The following CDH13 variants were observed in gnomAD, a reference collection of about 807,000 sequenced individuals.
CDH13 encodes cadherin-13.
CDH13 carries 24 observed loss-of-function variants against 63.8 expected under a neutral mutation model. The ratio of observed to expected loss-of-function variants is 0.38; its 90% confidence interval spans 0.27 to 0.53. The LOEUF (loss-of-function observed/expected upper bound fraction) is 0.53. Ranked by LOEUF, CDH13 falls within the 20% of genes least tolerant of loss-of-function variation. The probability of loss-of-function intolerance (pLI) is 0.85; values close to 1 mark genes in which losing one functional copy is unlikely to be tolerated. For missense variants in CDH13, 1,049 were observed against 903.1 expected, an observed-to-expected ratio of 1.16 and a Z score of -2.07; for synonymous variants, 503 against 355.3, an observed-to-expected ratio of 1.42 and a Z score of -4.67.
chr16:82,644,240 A>G lies in CDH13; in HGVS notation c.45+17103A>G, dbSNP rs910615305. ...TCAATAGCCTAGTAATGAGAAGTCA[A>G]TCTAAGGTCTAAGGCTGGGAAAGGA... On this transcript the variant is annotated intron_variant, in intron 1 of 13. Coordinates refer to ENST00000567109, the MANE Select transcript of CDH13 (RefSeq NM_001257.5). This position sits in a 1 kb window ranked among gnomAD's most constrained non-coding sequence, Gnocchi z 5.7. Among the ~76,000 whole-genome samples the G allele has an allele frequency of 6.6e-6, 1 of 152,274 alleles. No homozygotes were observed. Among genetic ancestry groups the G allele is most frequent in the South Asian group, 2.1e-4 (1 of 4,832 alleles).
chr16:83,674,838 A>T (rs894651665), intron 9 of CDH13, among the ~76,000 whole-genome samples: 1 of 152,224 alleles, frequency 6.6e-6, no homozygotes, highest in African/African-American at 2.4e-5. Context: ...CTTTCAGCTG[A>T]ATATAATCAA....
At chr16:82,631,826 G>C (rs1404076980) in intron 1 of CDH13, among the ~76,000 whole-genome samples, 1 of 152,202 alleles carries the variant, frequency 6.6e-6, no homozygotes, top group Non-Finnish European at 1.5e-5. Flanking sequence ...AGTGCTGACT[G>C]AGCCAGGGTC....
chr16:83,383,990 A>G (rs2091622343), intron 6 of CDH13, among the ~76,000 whole-genome samples: 1 of 152,170 alleles, frequency 6.6e-6, no homozygotes, highest in East Asian at 1.9e-4. Flanking sequence ...ACGTACATAT[A>G]TATGGGTGTA....
intron 8 of CDH13, among the ~76,000 whole-genome samples, chr16:83,615,868 C>T (rs984973188): frequency 6.6e-6 from 1 of 152,142 alleles, no homozygotes; most frequent in African/African-American, 2.4e-5. Flanking sequence ...GCTGCAAAAC[C>T]GCCAACACCT....
chr16:82,650,541 C>G (rs1056914909), intron 1 of CDH13, among the ~76,000 whole-genome samples: 2 of 152,216 alleles, frequency 1.3e-5, no homozygotes, highest in East Asian at 1.9e-4. Flanking sequence ...AGTGCAACCC[C>G]TACCCTATTC....
intron 1 of CDH13, among the ~76,000 whole-genome samples, chr16:82,765,581 A>C (rs530672566): frequency 1.3e-5 from 2 of 152,212 alleles, no homozygotes; most frequent in Non-Finnish European, 2.9e-5. Flanking sequence ...ACGGGTATTT[A>C]TGATGAGAAA....
chr16:83,012,452 C>T (rs1352589307), intron 2 of CDH13, among the ~76,000 whole-genome samples: 1 of 151,478 alleles, frequency 6.6e-6, no homozygotes, highest in Non-Finnish European at 1.5e-5. Context: ...CTATGTAATT[C>T]CCATTTCATT....
chr16:83,398,634 TG>T, intron 6 of CDH13, among the ~76,000 whole-genome samples: 1 of 1,336 alleles, frequency 7.5e-4, no homozygotes, highest in African/African-American at 8.2e-4. Context: ...GCAGTAGACC[TG>T]GAATATGGGG....
Position 82,644,058 on chromosome 16 carries a change from G to C in CDH13, c.45+16921G>C, listed in dbSNP as rs750267205. Among the ~76,000 whole-genome samples the C allele has an allele frequency of 6.6e-6, 1 of 152,102 alleles. No individual in the cohort carries two copies. On this transcript the variant is annotated intron_variant, in intron 1 of 13. Transcript: ENST00000567109. The surrounding 1 kb of genome is among the most constrained non-coding windows in gnomAD (Gnocchi z 5.7). Reference sequence around the variant, plus strand: ...AAGTAGTAAGTGGTTTAGGATGGGGGGTGGTATGGAGGTCGGGTGGGGAGA... The same window carrying C: ...AAGTAGTAAGTGGTTTAGGATGGGGCGTGGTATGGAGGTCGGGTGGGGAGA...
intron 3 of CDH13, among the ~76,000 whole-genome samples, chr16:83,084,244 C>A (rs376427304): frequency 6.6e-6 from 1 of 152,088 alleles, no homozygotes; most frequent in African/African-American, 2.4e-5. Context: ...GTGACTGTGG[C>A]GAATTTAGCA....
intron 2 of CDH13, among the ~76,000 whole-genome samples, chr16:82,912,600 C>T (rs2041865630): frequency 6.6e-6 from 1 of 152,072 alleles, no homozygotes; most frequent in African/African-American, 2.4e-5. Flanking sequence ...TCCATTGACC[C>T]TAGGGAGGAA....
At chr16:82,704,843 A>G (rs568957224) in intron 1 of CDH13, among the ~76,000 whole-genome samples, 1 of 152,372 alleles carries the variant, frequency 6.6e-6, no homozygotes, top group African/African-American at 2.4e-5. Flanking sequence ...TATGAAATAA[A>G]TAGGATAATG....
intron 1 of CDH13, among the ~76,000 whole-genome samples, chr16:82,789,098 G>A (rs190040508): frequency 5.9e-4 from 90 of 152,196 alleles, no homozygotes; most frequent in Non-Finnish European, 1.1e-3. Flanking sequence ...AGCTGATAAG[G>A]CAATTTTCAC....
At chr16:83,475,039 T>C (rs2073565461) in intron 6 of CDH13, among the ~76,000 whole-genome samples, 1 of 152,242 alleles carries the variant, frequency 6.6e-6, no homozygotes, top group African/African-American at 2.4e-5. Flanking sequence ...CCTTCCGCCA[T>C]CTGGCTCCTG....
chr16:83,636,399 C>G (rs976797651), intron 8 of CDH13, among the ~76,000 whole-genome samples: 1 of 152,128 alleles, frequency 6.6e-6, no homozygotes, highest in African/African-American at 2.4e-5. Context: ...ATGATGAACC[C>G]TAGCACCCAA....
chr16:83,646,915 C>G (rs975612090), intron 8 of CDH13, among the ~76,000 whole-genome samples: 1 of 152,060 alleles, frequency 6.6e-6, no homozygotes, highest in Admixed American at 6.6e-5. Context: ...AGGCCTGGAA[C>G]TTGCAGTCCA....
chr16:83,654,255 G>A (rs1483136228), intron 8 of CDH13, among the ~76,000 whole-genome samples: 1 of 151,816 alleles, frequency 6.6e-6, no homozygotes, highest in Non-Finnish European at 1.5e-5. Flanking sequence ...GCAAAAAATT[G>A]CAATTACTTT....
At chr16:82,970,545 G>A (rs1020363889) in intron 2 of CDH13, among the ~76,000 whole-genome samples, 7 of 142,138 alleles carry the variant, frequency 4.9e-5, no homozygotes, top group Admixed American at 7.1e-5. Context: ...GACTACAGGC[G>A]CCCGCCACCG....
intron 1 of CDH13, among the ~76,000 whole-genome samples, chr16:82,656,041 A>T (rs1911255970): frequency 6.6e-6 from 1 of 152,186 alleles, no homozygotes; most frequent in Non-Finnish European, 1.5e-5. Context: ...AAGGCAGAAA[A>T]TGCTGGTCTA....
Sources: gnomAD v4.1 joint callset for allele counts (sites outside exome capture counted in the v4.1 genomes callset) on GRCh38, gnomAD v4.1.1 for gene constraint, Gnocchi (gnomAD v3.1) non-coding constraint, MANE v1.5 for transcripts, NCBI Gene and HGNC (gene_info 2026-07-23, HGNC 2026-07-21) for gene names.